Variants in IMMP2L observed in about 807,000 individuals in gnomAD.
IMMP2L encodes the protein inner mitochondrial membrane peptidase subunit 2.
IMMP2L carries 18 observed loss-of-function variants against 19.3 expected under a neutral mutation model. The observed-to-expected ratio is 0.93, with a 90% CI of 0.64 to 1.38. IMMP2L has a LOEUF of 1.38. Among genes scored for constraint, IMMP2L ranks in the 40% most tolerant of loss-of-function variants. IMMP2L has a pLI of 0.00. For missense variants in IMMP2L, 233 were observed against 218.2 expected (o/e 1.07, Z -0.43); for synonymous variants, 76 against 73.0 (o/e 1.04, Z -0.21).
intron 1 of IMMP2L, among the ~76,000 whole-genome samples, chr7:111,523,123 T>A: frequency 6.6e-6 from 1 of 151,624 alleles, no homozygotes; most frequent in Non-Finnish European, 1.5e-5. Context: ...GGTGGGGTAG[T>A]TAGTGGGGAG....
At chr7:111,124,218 T>G in intron 3 of IMMP2L, 10 of 1,614,020 alleles carry the variant, frequency 6.2e-6, no homozygotes, top group Non-Finnish European at 6.8e-6. Context: ...GAACACTAGA[T>G]ATAAATGGCG....
At chr7:111,201,027 A>T (rs527477601) in intron 3 of IMMP2L, among the ~76,000 whole-genome samples, 1 of 152,182 alleles carries the variant, frequency 6.6e-6, no homozygotes, top group Non-Finnish European at 1.5e-5. Flanking sequence ...TCTTCTATAA[A>T]GACAAAATCA....
intron 5 of IMMP2L, among the ~76,000 whole-genome samples, chr7:110,812,796 A>G (rs1429813907): frequency 6.6e-6 from 1 of 151,798 alleles, no homozygotes; most frequent in Non-Finnish European, 1.5e-5. Flanking sequence ...AGAACAGGAC[A>G]CTCATTTCGT....
intron 3 of IMMP2L, among the ~76,000 whole-genome samples, chr7:111,043,708 T>C (rs1485123384): frequency 6.6e-6 from 1 of 152,220 alleles, no homozygotes; most frequent in Non-Finnish European, 1.5e-5. Flanking sequence ...AATAATTATA[T>C]CAGTGGCCTG....
intron 1 of IMMP2L, among the ~76,000 whole-genome samples, chr7:111,554,958 ATT>A (rs1335327910): frequency 5.3e-5 from 8 of 151,712 alleles, no homozygotes; most frequent in African/African-American, 7.3e-5. Context: ...GAGGTTGCAA[ATT>A]TTTTTTGTGA....
At chr7:110,779,163 A>G (rs534350797) in intron 5 of IMMP2L, among the ~76,000 whole-genome samples, 51 of 152,132 alleles carry the variant, frequency 3.4e-4, no homozygotes, top group African/African-American at 1.1e-3. Context: ...CAGTCCCAGC[A>G]CAAACTGGCC....
At chr7:111,462,848 G>A (rs1285215526) in intron 3 of IMMP2L, among the ~76,000 whole-genome samples, 1 of 152,070 alleles carries the variant, frequency 6.6e-6, no homozygotes, top group Non-Finnish European at 1.5e-5. Context: ...GATTTCTAAG[G>A]TCTTCGTGGC....
At chr7:111,454,682 A>G (rs1048367464) in intron 3 of IMMP2L, among the ~76,000 whole-genome samples, 6 of 152,110 alleles carry the variant, frequency 3.9e-5, no homozygotes, top group Non-Finnish European at 7.4e-5. Context: ...GGGCTTTTAT[A>G]AAGTATATAA....
chr7:110,907,916 G>C (rs1417296090), intron 4 of IMMP2L, among the ~76,000 whole-genome samples: 1 of 152,146 alleles, frequency 6.6e-6, no homozygotes, highest in African/African-American at 2.4e-5. Flanking sequence ...AGGGTGAACA[G>C]GTAGAAGTAA....
In IMMP2L at chr7:110,717,834, G is replaced by T. The variant is rs116772002; in HGVS notation, c.409-54113C>A. ...TGAAGCAGTGGAGATGTTGAAAACC[G>T]CTTTCACCTTCAAAAATACTGTCAA... is the stretch of plus-strand genomic sequence containing the variant. On this transcript the variant is annotated intron_variant, in intron 5 of 5. Coordinates refer to ENST00000405709, the MANE Select transcript of IMMP2L (RefSeq NM_032549.4). Among the ~76,000 whole-genome samples the T allele has an allele frequency of 2.6e-3, 394 of 152,292 alleles. 4 individuals carry two copies. Among genetic ancestry groups the T allele is most frequent in the African/African-American group, 9.0e-3 (372 of 41,556 alleles).
chr7:111,508,412 T>C (rs896767381), intron 2 of IMMP2L, among the ~76,000 whole-genome samples: 2 of 152,124 alleles, frequency 1.3e-5, no homozygotes, highest in South Asian at 2.1e-4. Context: ...TATAATATTG[T>C]TGTGGTCTTT....
intron 4 of IMMP2L, among the ~76,000 whole-genome samples, chr7:110,911,927 C>G (rs259000): frequency 0.56 from 85,044 of 151,874 alleles, 25,922 homozygotes; most frequent in East Asian, 0.81. Context: ...TAAATGCATT[C>G]AGAATTTTCT....
chr7:111,281,037 T>G (rs1019973748), intron 3 of IMMP2L, among the ~76,000 whole-genome samples: 6 of 147,914 alleles, frequency 4.1e-5, no homozygotes. Context: ...GCCACTGCAC[T>G]CCAGCCTGGG....
intron 3 of IMMP2L, among the ~76,000 whole-genome samples, chr7:111,087,456 G>GAAAAAAAAA (rs76131476): frequency 1.3e-5 from 1 of 77,982 alleles, no homozygotes. Flanking sequence ...CTTAAAAAAA[G>GAAAAAAAAA]AAAAAAAAAA....
chr7:111,189,627 C>T (rs1185505564), intron 3 of IMMP2L, among the ~76,000 whole-genome samples: 2 of 151,904 alleles, frequency 1.3e-5, no homozygotes, highest in Admixed American at 6.6e-5. Context: ...GAAACTATGG[C>T]ATTCTTCAGC....
At chr7:110,732,816 G>A (rs1480190198) in intron 5 of IMMP2L, among the ~76,000 whole-genome samples, 1 of 150,974 alleles carries the variant, frequency 6.6e-6, no homozygotes, top group African/African-American at 2.4e-5. Context: ...TTGAGATAGG[G>A]TCTCTGTCAC....
chr7:111,008,834 T>G (rs1237027382), intron 3 of IMMP2L, among the ~76,000 whole-genome samples: 1 of 152,046 alleles, frequency 6.6e-6, no homozygotes, highest in African/African-American at 2.4e-5. Flanking sequence ...AGATACAATA[T>G]GGGCTAGTCT....
At chr7:111,314,878 G>A (rs1453718497) in intron 3 of IMMP2L, among the ~76,000 whole-genome samples, 1 of 152,130 alleles carries the variant, frequency 6.6e-6, no homozygotes, top group Non-Finnish European at 1.5e-5. Context: ...CTTAAATTAA[G>A]CTGTGAAATA....
At chr7:110,666,288 C>T (rs778917881) in intron 5 of IMMP2L, among the ~76,000 whole-genome samples, 3 of 151,478 alleles carry the variant, frequency 2.0e-5, no homozygotes, top group Non-Finnish European at 2.9e-5. Flanking sequence ...TGTTTGTTTG[C>T]TTTTGAGACA....
Sources: allele counts gnomAD v4.1 joint callset (sites outside exome capture counted in the v4.1 genomes callset), GRCh38; gene constraint gnomAD v4.1.1; transcripts MANE v1.5; gene names NCBI Gene and HGNC (gene_info 2026-07-23, HGNC 2026-07-21).